The following RBM26 variants were observed in gnomAD, a reference collection of about 807,000 sequenced individuals.
RBM26 encodes the protein RNA-binding protein 26.
A neutral mutation model predicts 123.6 loss-of-function variants in RBM26; 30 were observed. That is an observed-to-expected ratio of 0.24 (90% CI 0.18 to 0.33). The LOEUF (loss-of-function observed/expected upper bound fraction) is 0.33. RBM26 is among the 10% of genes least tolerant of loss of function. The probability of loss-of-function intolerance (pLI) is 1.00; values close to 1 mark genes in which losing one functional copy is unlikely to be tolerated. For synonymous variants in RBM26, 400 were observed against 404.4 expected, an observed-to-expected ratio of 0.99 and a Z score of 0.13; for missense variants, 947 against 1,203.6, an observed-to-expected ratio of 0.79 and a Z score of 3.15.
chr13:79,330,342 G>A (rs1019670022), intron 20 of RBM26, among the ~76,000 whole-genome samples: 3 of 152,186 alleles, frequency 2.0e-5, no homozygotes, highest in Admixed American at 6.5e-5. Flanking sequence ...CACATCTTAC[G>A]TGGAAAATGT....
In RBM26 at chr13:79,355,229, A is replaced by G. The variant is rs2073835564; in HGVS notation, c.1845T>C (p.Thr615=). 23 of 1,613,690 alleles carry G rather than the reference A, an allele frequency of 1.4e-5. No individual in the cohort carries two copies. In the East Asian group the frequency reaches 4.9e-4, roughly 34 times the overall value. ...CAAATTCCTCTCTTACCTTTGGAGA[A>G]GTAGTTTGTAACTGTTGGGTGCTTC... The part of the protein sequence containing the change: ...REGSTQQLQT[T]SPKVMQPLVQ... Residue 615 remains threonine, a synonymous_variant, in exon 12 of 22, where the codon ACT becomes ACC. Coordinates refer to ENST00000438737, the MANE Select transcript of RBM26 (RefSeq NM_001366735.2).
chr13:79,383,106 A>AT (rs2077203266), intron 1 of RBM26, among the ~76,000 whole-genome samples: 1 of 151,028 alleles, frequency 6.6e-6, no homozygotes, highest in African/African-American at 2.4e-5. Context: ...TTTTTAAAAT[A>AT]ATCAGAGGCC....
Position 79,322,332 on chromosome 13 carries a change from G to T in RBM26, c.2934+17C>A. 1 of 1,474,054 alleles carries T rather than the reference G, an allele frequency of 6.8e-7. No homozygotes were observed. 91.3% of individuals were successfully genotyped at this position (1,474,054 alleles called of 1,614,324 possible). ...GAACGATTAAGGGTAAAAATAAGTGGAAAAAAAATAACATACTTCTTCTTC... is the reference window on the plus strand; with the variant it reads ...GAACGATTAAGGGTAAAAATAAGTGTAAAAAAAATAACATACTTCTTCTTC... On this transcript the variant is annotated intron_variant, in intron 21 of 21. Transcript: ENST00000438737.
At chr13:79,324,673 A>G (rs180838251) in intron 20 of RBM26, among the ~76,000 whole-genome samples, 11 of 151,966 alleles carry the variant, frequency 7.2e-5, no homozygotes, top group Non-Finnish European at 1.3e-4. Context: ...ATATCGTGCC[A>G]TACCTTAAAA....
chr13:79,405,289 T>C (rs1349823025), intron 1 of RBM26, among the ~76,000 whole-genome samples: 1 of 152,208 alleles, frequency 6.6e-6, no homozygotes, highest in Non-Finnish European at 1.5e-5. Context: ...TCAGGAATTA[T>C]ATTTAGGTGA....
chr13:79,372,557 T>A (rs1269473774), intron 3 of RBM26, among the ~76,000 whole-genome samples: 1 of 150,696 alleles, frequency 6.6e-6, no homozygotes, highest in Non-Finnish European at 1.5e-5. Flanking sequence ...CCAATTTTAT[T>A]CCTCTTTCAA....
intron 1 of RBM26, among the ~76,000 whole-genome samples, chr13:79,397,648 A>G (rs2140493070): frequency 7.2e-6 from 1 of 138,216 alleles, no homozygotes; most frequent in Admixed American, 7.9e-5. Flanking sequence ...CGCCACTGCA[A>G]TCCAGCCTGG....
chr13:79,336,687 A>G (rs887149031), intron 19 of RBM26, among the ~76,000 whole-genome samples: 3 of 152,350 alleles, frequency 2.0e-5, no homozygotes, highest in Admixed American at 2.0e-4. Context: ...TCATAGGTCA[A>G]AATTTTATCT....
chr13:79,366,696 C>T lies in RBM26; in HGVS notation c.1072G>A (p.Val358Met). 6.3e-7 allele frequency: 1 copy of T among 1,575,030 alleles called. No individual in the cohort carries two copies. The highest frequency in any genetic ancestry group is 8.6e-7 in the Non-Finnish European group (1 of 1,159,856). Residue 358 changes from valine (V) to methionine (M), a missense_variant, in exon 7 of 22, where the codon GTG becomes ATG. Physicochemically the swap from Val to Met is conservative, Grantham distance 21. Transcript: ENST00000438737. ...PPPPILTPPP[V>M]NLRPPVPPPG... The stretch of plus-strand genomic sequence containing the variant: ...GGTGGTACTGGGGGCCTGAGATTCA[C>T]AGGTGGGGGTGTAAGAATTGGTGGA...
chr13:79,404,403 ATCT>A (rs1206346104), intron 1 of RBM26, among the ~76,000 whole-genome samples: 6 of 152,218 alleles, frequency 3.9e-5, no homozygotes, highest in Non-Finnish European at 5.9e-5. Flanking sequence ...CTTCTGAATA[ATCT>A]TCTTACTTCC....
Position 79,372,869 on chromosome 13 carries a change from TTATA to T in RBM26, c.328-943_328-940del, listed in dbSNP as rs2076092183. ...ATATATTATATAAATATAAATATATTTATAATATTTTATATGCTATATAAAATAT... is the reference window on the plus strand; with the variant it reads ...ATATATTATATAAATATAAATATATTATATTTTATATGCTATATAAAATAT... On this transcript the variant is annotated intron_variant, in intron 3 of 21. Coordinates refer to ENST00000438737, the MANE Select transcript of RBM26 (RefSeq NM_001366735.2). Among the ~76,000 whole-genome samples, 2 of 64,184 alleles carry T rather than the reference TTATA, an allele frequency of 3.1e-5. 1 individual carries two copies. Among genetic ancestry groups the T allele is most frequent in the African/African-American group, 2.1e-4 (2 of 9,422 alleles). 42.1% of individuals were successfully genotyped at this position (64,184 alleles called of 152,430 possible).
chr13:79,403,906 A>G (rs908977744), intron 1 of RBM26, among the ~76,000 whole-genome samples: 2 of 152,192 alleles, frequency 1.3e-5, no homozygotes, highest in Non-Finnish European at 2.9e-5. Flanking sequence ...ATTCTGCAGC[A>G]TTTCATAAAC....
chr13:79,393,645 G>A (rs1247083140), intron 1 of RBM26, among the ~76,000 whole-genome samples: 1 of 152,102 alleles, frequency 6.6e-6, no homozygotes, highest in Non-Finnish European at 1.5e-5. Flanking sequence ...TTCGCTGTCT[G>A]GCTTACTAAT....
At chr13:79,386,416 A>C (rs2077484220) in intron 1 of RBM26, among the ~76,000 whole-genome samples, 1 of 132,594 alleles carries the variant, frequency 7.5e-6, no homozygotes, top group African/African-American at 2.5e-5. Context: ...TCTAAATTAA[A>C]TAAAAAAAAA....
chr13:79,398,697 T>C (rs113517866), intron 1 of RBM26, among the ~76,000 whole-genome samples: 4,976 of 152,056 alleles, frequency 0.033, 118 homozygotes, highest in Middle Eastern at 0.078. Context: ...CAATGACCTT[T>C]CCCTCTCAAA....
At position 79,319,805 on chromosome 13, in the gene RBM26, A is replaced by T; in HGVS notation, c.*816T>A. 1 of 978,658 alleles carries T rather than the reference A, an allele frequency of 1.0e-6. No homozygotes were observed. Among genetic ancestry groups the T allele is most frequent in the Non-Finnish European group, 1.2e-6 (1 of 824,114 alleles). The allele number at this position is 978,658 out of a possible 1,614,324, so 60.6% of individuals were successfully genotyped here. ...TATTGTAAGGGTACCAGTAACCATT[A>T]TTATTAAGAATAAGTTAGTGATTAT... On this transcript the variant is annotated 3_prime_UTR_variant, in exon 22 of 22. Coordinates refer to ENST00000438737, the MANE Select transcript of RBM26 (RefSeq NM_001366735.2).
chr13:79,328,889 C>A (rs978367456), intron 20 of RBM26, among the ~76,000 whole-genome samples: 2 of 151,386 alleles, frequency 1.3e-5, no homozygotes, highest in African/African-American at 2.4e-5. Flanking sequence ...AAAACTGATA[C>A]CCCACTCCGA....
chr13:79,397,743 T>C (rs1044885223), intron 1 of RBM26, among the ~76,000 whole-genome samples: 3 of 140,594 alleles, frequency 2.1e-5, no homozygotes, highest in Non-Finnish European at 4.6e-5. Flanking sequence ...TCATTACTCA[T>C]AGATGATGAG....
rs1374717896 is a variant in RBM26 at position 79,406,084 on chromosome 13, G to C, written c.-310C>G. On this transcript the variant is annotated 5_prime_UTR_variant, in exon 1 of 22. Coordinates refer to ENST00000438737, the MANE Select transcript of RBM26 (RefSeq NM_001366735.2). ...TACCCAGACCGGAAGCGCGACACGC[G>C]CTTAGACCCGAGCCTTCTCTCAGCC... 4.4e-6 allele frequency: 1 copy of C among 225,344 alleles called. No individual in the cohort carries two copies. The highest frequency in any genetic ancestry group is 8.6e-6 in the Non-Finnish European group (1 of 116,020). 14.0% of individuals were successfully genotyped at this position (225,344 alleles called of 1,614,324 possible).
Sources: allele counts gnomAD v4.1 joint callset (sites outside exome capture counted in the v4.1 genomes callset), GRCh38; gene constraint gnomAD v4.1.1; transcripts MANE v1.5; gene names NCBI Gene and HGNC (gene_info 2026-07-23, HGNC 2026-07-21).